MNAT1: variants seen among roughly 807,000 people sequenced by gnomAD.
MNAT1 encodes CDK-activating kinase assembly factor MAT1.
Under a neutral mutation model 42.0 loss-of-function variants are expected in MNAT1, and 43 were observed. That is an observed-to-expected ratio of 1.02 (90% CI 0.80 to 1.32). MNAT1 has a LOEUF of 1.32. MNAT1 is among the 40% of genes most tolerant of loss of function. The pLI, the probability that MNAT1 is intolerant of heterozygous loss-of-function variation, is 0.00. For missense variants in MNAT1, 306 were observed against 350.4 expected (o/e 0.87, Z 1.01); for synonymous variants, 118 against 120.0 (o/e 0.98, Z 0.11).
rs143586466 is a variant in MNAT1 at position 60,892,255 on chromosome 14, G to C, written c.809+12420G>C. Among the ~76,000 whole-genome samples, 55 of 151,956 alleles carry C rather than the reference G, an allele frequency of 3.6e-4. No homozygotes were observed. The East Asian group carries it at 8.9e-3, about 25-fold the overall frequency. On this transcript the variant is annotated intron_variant, in intron 7 of 7. Coordinates refer to ENST00000261245, the MANE Select transcript of MNAT1 (RefSeq NM_002431.4). ...TATTATTGAGAGGGGAGTATTGAAG[G>C]CTTTAACTATTATTGTAAAACTCTC...
At chr14:60,892,454 T>G (rs955221510) in intron 7 of MNAT1, among the ~76,000 whole-genome samples, 3 of 152,154 alleles carry the variant, frequency 2.0e-5, no homozygotes, top group Non-Finnish European at 2.9e-5. Context: ...TTTTTCATTC[T>G]TTTACTTTTA....
intron 7 of MNAT1, among the ~76,000 whole-genome samples, chr14:60,910,682 A>G (rs1225430796): frequency 6.6e-6 from 1 of 152,162 alleles, no homozygotes; most frequent in Non-Finnish European, 1.5e-5. Flanking sequence ...AGTCCACTTG[A>G]TCATGGTGGA....
chr14:60,748,682 G>A (rs1252079758), intron 1 of MNAT1, among the ~76,000 whole-genome samples: 1 of 152,084 alleles, frequency 6.6e-6, no homozygotes, highest in Non-Finnish European at 1.5e-5. Flanking sequence ...GAGAGTCTTC[G>A]AGAGCAATAA....
At chr14:60,745,903 C>T (rs1411778922) in intron 1 of MNAT1, among the ~76,000 whole-genome samples, 1 of 152,160 alleles carries the variant, frequency 6.6e-6, no homozygotes, top group East Asian at 1.9e-4. Flanking sequence ...TATAGTGCTG[C>T]AGAACAGCGC....
chr14:60,887,825 T>C (rs1594835371), intron 7 of MNAT1, among the ~76,000 whole-genome samples: 1 of 151,368 alleles, frequency 6.6e-6, no homozygotes, highest in Admixed American at 6.6e-5. Context: ...AACACCTCTA[T>C]GCAAATAAAC....
At chr14:60,857,051 G>A (rs2033977080) in intron 6 of MNAT1, among the ~76,000 whole-genome samples, 3 of 152,094 alleles carry the variant, frequency 2.0e-5, no homozygotes, top group Admixed American at 2.0e-4. Context: ...CTCTAAAATG[G>A]GCGCAACCAA....
chr14:60,755,529 G>A (rs765485817), intron 1 of MNAT1, among the ~76,000 whole-genome samples: 2 of 152,058 alleles, frequency 1.3e-5, no homozygotes, highest in African/African-American at 4.8e-5. Flanking sequence ...CTCCTGCCTC[G>A]TCCTCCCAAA....
intron 1 of MNAT1, among the ~76,000 whole-genome samples, chr14:60,760,983 G>A (rs2030574477): frequency 6.6e-6 from 1 of 152,154 alleles, no homozygotes; most frequent in African/African-American, 2.4e-5. Flanking sequence ...TGCACATTTT[G>A]GGTGCAAGAA....
At chr14:60,951,261 C>G (rs544551738) in intron 7 of MNAT1, among the ~76,000 whole-genome samples, 77 of 119,942 alleles carry the variant, frequency 6.4e-4, no homozygotes, top group East Asian at 5.9e-3. Flanking sequence ...TCAGGCTTCC[C>G]CTCCCTTTTT....
chr14:60,818,600 A>G (rs1345962652), intron 5 of MNAT1, 122 bp from the exon 6 acceptor site: 21 of 782,484 alleles, frequency 2.7e-5, no homozygotes, highest in African/African-American at 1.4e-4. Flanking sequence ...AGTGTCCTCC[A>G]TAATGTGAAT....
intron 7 of MNAT1, among the ~76,000 whole-genome samples, chr14:60,898,770 A>G (rs541806045): frequency 1.3e-5 from 2 of 152,052 alleles, no homozygotes; most frequent in East Asian, 3.9e-4. Context: ...ACATAGTTCC[A>G]TTTGTCTATT....
chr14:60,816,912 T>C (rs1219631986), intron 5 of MNAT1, among the ~76,000 whole-genome samples: 1 of 152,002 alleles, frequency 6.6e-6, no homozygotes, highest in Non-Finnish European at 1.5e-5. Context: ...TTCAGCTGTT[T>C]ACCAAGACAC....
intron 7 of MNAT1, among the ~76,000 whole-genome samples, chr14:60,929,515 T>C (rs2035841819): frequency 6.6e-6 from 1 of 152,246 alleles, no homozygotes; most frequent in South Asian, 2.1e-4. Context: ...AGATACCCAA[T>C]GGTCCCAGTA....
At chr14:60,849,744 A>G (rs1272047759) in intron 6 of MNAT1, among the ~76,000 whole-genome samples, 1 of 152,192 alleles carries the variant, frequency 6.6e-6, no homozygotes. Context: ...ACCACCAGTA[A>G]GGAATTTGAT....
At position 60,842,115 on chromosome 14, in the gene MNAT1, A is replaced by G. The variant is rs116976800; in HGVS notation, c.687+23268A>G. The stretch of plus-strand genomic sequence containing the variant: ...ATCCCACCTGCTACTTGTTACTGTA[A>G]TTAAAGTTTTATTGTAACATAGCCA... On this transcript the variant is annotated intron_variant, in intron 6 of 7. Coordinates refer to ENST00000261245, the MANE Select transcript of MNAT1 (RefSeq NM_002431.4). 5.9e-3 allele frequency among the ~76,000 whole-genome samples: 903 copies of G among 152,338 alleles called. 4 individuals are homozygous for G. The highest frequency in any genetic ancestry group is 0.01 in the Middle Eastern group (3 of 294).
Position 60,808,335 on chromosome 14 carries a change from G to C in MNAT1, c.327G>C (p.Leu109Phe), listed in dbSNP as rs148083759. Residue 109 changes from leucine to phenylalanine, a missense_variant, in exon 4 of 8, where the codon TTG (leucine) becomes TTC (phenylalanine). Transcript: ENST00000261245. ...LEEVEEIVFN[L>F]TNNVDLDNTK... Reference sequence around the variant, plus strand: ...TCCTTTCTAATGCAGTTTTCAACTTGACCAACAATGTGGATTTGGACAACA... The same window carrying C: ...TCCTTTCTAATGCAGTTTTCAACTTCACCAACAATGTGGATTTGGACAACA... The C allele has an allele frequency of 2.6e-4, 407 of 1,567,910 alleles. 2 individuals are homozygous for C. The African/African-American group carries it at 5.2e-3, about 20-fold the overall frequency.
intron 6 of MNAT1, among the ~76,000 whole-genome samples, chr14:60,872,453 A>G (rs1043377144): frequency 6.6e-6 from 1 of 152,054 alleles, no homozygotes; most frequent in Non-Finnish European, 1.5e-5. Flanking sequence ...TCTGGTTTTC[A>G]CATTTTGCTT....
chr14:60,937,475 AT>A (rs2036024817), intron 7 of MNAT1, among the ~76,000 whole-genome samples: 1 of 152,204 alleles, frequency 6.6e-6, no homozygotes, highest in African/African-American at 2.4e-5. Flanking sequence ...ACCATTTGTT[AT>A]TAAATAGGGA....
Position 60,875,065 on chromosome 14 carries a change from A to T in MNAT1, c.688-4649A>T, listed in dbSNP as rs17097855. ...TCATTTATGAACTTTGTCTTATCGTACTTATGGCAAACAGAACTACCACTG... is the reference window on the plus strand; with the variant it reads ...TCATTTATGAACTTTGTCTTATCGTTCTTATGGCAAACAGAACTACCACTG... On this transcript the variant is annotated intron_variant, in intron 6 of 7. Transcript: ENST00000261245. Among the ~76,000 whole-genome samples the T allele has an allele frequency of 5.2e-3, 787 of 152,160 alleles. 14 individuals carry two copies. The highest frequency in any genetic ancestry group is 0.018 in the African/African-American group (738 of 41,524).
Sources: allele counts gnomAD v4.1 joint callset (sites outside exome capture counted in the v4.1 genomes callset), GRCh38; gene constraint gnomAD v4.1.1; transcripts MANE v1.5; gene names NCBI Gene and HGNC (gene_info 2026-07-23, HGNC 2026-07-21).